The following ADARB2 variants were observed in gnomAD, a reference collection of about 807,000 sequenced individuals.
ADARB2 encodes the protein adenosine deaminase RNA specific B2 (inactive), also known as inactive double-stranded RNA-specific editase B2.
Under a neutral mutation model 62.2 loss-of-function variants are expected in ADARB2, and 25 were observed. The ratio of observed to expected loss-of-function variants is 0.40; its 90% CI spans 0.29 to 0.56. ADARB2 has a LOEUF of 0.56. ADARB2 is among the 20% of genes least tolerant of loss of function. The pLI is 0.43. For missense variants in ADARB2, 1,071 were observed against 1,077.4 expected (o/e 0.99, Z 0.08); for synonymous variants, 572 against 500.8 (o/e 1.14, Z -1.90).
At chr10:1,691,840 C>T (rs933603007) in intron 1 of ADARB2, among the ~76,000 whole-genome samples, 6 of 152,224 alleles carry the variant, frequency 3.9e-5, no homozygotes, top group Admixed American at 3.3e-4. Context: ...GATAGGGCAG[C>T]TGTTGCTGCT....
intron 1 of ADARB2, among the ~76,000 whole-genome samples, chr10:1,635,750 A>G (rs75145151): frequency 0.031 from 4,675 of 152,222 alleles, 240 homozygotes; most frequent in African/African-American, 0.1. Context: ...ACACATGTTG[A>G]GCGATTCTGG....
At position 1,513,300 on chromosome 10, in the gene ADARB2, G is replaced by A. The variant is rs368167637; in HGVS notation, c.101-134140C>T. On this transcript the variant is annotated intron_variant, in intron 1 of 9. Transcript: ENST00000381312. Reference sequence around the variant, plus strand: ...ATAGCCCATACATTAATGACAAAGCGTAACTAGAAACGCTCCTTGAAGACC... The same window carrying A: ...ATAGCCCATACATTAATGACAAAGCATAACTAGAAACGCTCCTTGAAGACC... Among the ~76,000 whole-genome samples the A allele has an allele frequency of 3.9e-5, 6 of 152,312 alleles. No homozygotes were observed. The South Asian group carries it at 8.3e-4, about 21-fold the overall frequency.
chr10:1,180,969 G>A lies in ADARB2; in HGVS notation c.*2224C>T, dbSNP rs1836666920. ...AACGAATCCCAACCCCCCAGCTGTG[G>A]CTTCATGATGCTGGCCACTGGGTGG... On this transcript the variant is annotated 3_prime_UTR_variant, in exon 10 of 10. Coordinates refer to ENST00000381312, the MANE Select transcript of ADARB2 (RefSeq NM_018702.4). 1 of 152,234 alleles carries A rather than the reference G, an allele frequency of 6.6e-6. No homozygotes were observed. Among genetic ancestry groups the A allele is most frequent in the Non-Finnish European group, 1.5e-5 (1 of 68,054 alleles). The allele number at this position is 152,234 out of a possible 1,614,324, so 9.4% of individuals were successfully genotyped here.
intron 1 of ADARB2, among the ~76,000 whole-genome samples, chr10:1,660,121 C>T (rs1228549568): frequency 1.3e-5 from 2 of 152,256 alleles, no homozygotes; most frequent in African/African-American, 4.8e-5. Context: ...TTGCTCTCCT[C>T]CAGTATCCTG....
At chr10:1,609,187 G>A (rs921690220) in intron 1 of ADARB2, among the ~76,000 whole-genome samples, 15 of 152,236 alleles carry the variant, frequency 9.9e-5, no homozygotes, top group African/African-American at 3.4e-4. Context: ...AGGCGGGATG[G>A]GAATGTGCCG....
intron 7 of ADARB2, among the ~76,000 whole-genome samples, chr10:1,207,241 G>A (rs1435079663): frequency 6.6e-6 from 1 of 152,142 alleles, no homozygotes; most frequent in Non-Finnish European, 1.5e-5. Context: ...CAGCTACTCG[G>A]GAGGCTAAGG....
intron 3 of ADARB2, among the ~76,000 whole-genome samples, chr10:1,322,917 G>A (rs1012523992): frequency 6.6e-6 from 1 of 152,122 alleles, no homozygotes; most frequent in Non-Finnish European, 1.5e-5. Flanking sequence ...CCCATACTTG[G>A]AACAGATTTG....
At chr10:1,265,902 G>A (rs1482549093) in intron 4 of ADARB2, among the ~76,000 whole-genome samples, 3 of 114,738 alleles carry the variant, frequency 2.6e-5, no homozygotes, top group East Asian at 2.8e-4. Flanking sequence ...AGGGTCCCCC[G>A]GAAGACGGCC....
chr10:1,729,663 C>G (rs1835208671), intron 1 of ADARB2, among the ~76,000 whole-genome samples: 1 of 152,190 alleles, frequency 6.6e-6, no homozygotes, highest in African/African-American at 2.4e-5. Context: ...TATCAGCGCC[C>G]TAGGTATATG....
intron 3 of ADARB2, among the ~76,000 whole-genome samples, chr10:1,281,476 C>G (rs1831370546): frequency 6.6e-6 from 1 of 152,254 alleles, no homozygotes; most frequent in Non-Finnish European, 1.5e-5. Flanking sequence ...CTGGTCGATC[C>G]TGGTCCAATG....
chr10:1,675,678 G>C (rs1260852738), intron 1 of ADARB2, among the ~76,000 whole-genome samples: 5 of 152,022 alleles, frequency 3.3e-5, no homozygotes, highest in African/African-American at 1.2e-4. Flanking sequence ...TGGGTTTGGG[G>C]GTTCATGGAT....
At chr10:1,510,008 T>C (rs1418093535) in intron 1 of ADARB2, among the ~76,000 whole-genome samples, 3 of 150,928 alleles carry the variant, frequency 2.0e-5, no homozygotes, top group African/African-American at 7.3e-5. Context: ...TTCTTTCTTT[T>C]CTTTCTTCTT....
At chr10:1,326,289 AACTG>A (rs1178291763) in intron 3 of ADARB2, among the ~76,000 whole-genome samples, 2 of 152,224 alleles carry the variant, frequency 1.3e-5, no homozygotes, top group African/African-American at 4.8e-5. Flanking sequence ...GTGCCTTGGT[AACTG>A]ACTGAGTCCC....
chr10:1,498,563 A>G (rs938714993), intron 1 of ADARB2, among the ~76,000 whole-genome samples: 1 of 152,146 alleles, frequency 6.6e-6, no homozygotes, highest in African/African-American at 2.4e-5. Context: ...ACTGTTTATA[A>G]AAACCAAAAG....
chr10:1,589,018 G>A (rs1833213934), intron 1 of ADARB2, among the ~76,000 whole-genome samples: 1 of 152,180 alleles, frequency 6.6e-6, no homozygotes, highest in Non-Finnish European at 1.5e-5. Flanking sequence ...GACGTAACCT[G>A]AAGCGACCTA....
At chr10:1,625,107 C>T (rs1025692756) in intron 1 of ADARB2, among the ~76,000 whole-genome samples, 9 of 152,164 alleles carry the variant, frequency 5.9e-5, no homozygotes, top group African/African-American at 2.2e-4. Flanking sequence ...GGCCAAACAC[C>T]TCCACAAGTT....
intron 1 of ADARB2, among the ~76,000 whole-genome samples, chr10:1,626,413 C>A (rs1298010987): frequency 1.3e-5 from 2 of 151,510 alleles, no homozygotes; most frequent in African/African-American, 4.8e-5. Context: ...GGACACAGGC[C>A]TCCACTGGAT....
At chr10:1,564,407 A>G (rs1372078322) in intron 1 of ADARB2, among the ~76,000 whole-genome samples, 1 of 152,230 alleles carries the variant, frequency 6.6e-6, no homozygotes. Flanking sequence ...AGAATTGACA[A>G]ATGGGATCTA....
Position 1,564,080 on chromosome 10 carries a change from G to A in ADARB2, c.100+172971C>T, listed in dbSNP as rs370141129. Reference sequence around the variant, plus strand: ...AGTCTTTGCTATTGTGAATAATGCCGCAATAAACATACGTGTGCAGGTGTC... The same window carrying A: ...AGTCTTTGCTATTGTGAATAATGCCACAATAAACATACGTGTGCAGGTGTC... On this transcript the variant is annotated intron_variant, in intron 1 of 9. Transcript: ENST00000381312. Among the ~76,000 whole-genome samples the A allele has an allele frequency of 6.3e-4, 96 of 151,804 alleles. 2 individuals are homozygous for A. The South Asian group carries it at 0.017, about 28-fold the overall frequency.
Sources: allele counts gnomAD v4.1 joint callset (sites outside exome capture counted in the v4.1 genomes callset), GRCh38; gene constraint gnomAD v4.1.1; transcripts MANE v1.5; gene names NCBI Gene and HGNC (gene_info 2026-07-23, HGNC 2026-07-21).